CTNND2: variants seen among roughly 807,000 people sequenced by gnomAD.
The protein encoded by CTNND2 is catenin delta-2.
In CTNND2, 22 loss-of-function variants were observed where a neutral mutation model predicts 144.4. The observed-to-expected ratio is 0.15, with a 90% confidence interval of 0.11 to 0.22. The LOEUF (loss-of-function observed/expected upper bound fraction) is 0.22, where lower values mean the gene tolerates loss of function less well. Among genes scored for constraint, CTNND2 ranks in the 10% least tolerant of loss-of-function variants. The pLI, the probability that CTNND2 is intolerant of heterozygous loss-of-function variation, is 1.00. For missense variants in CTNND2, 1,353 were observed against 1,618.8 expected, an observed-to-expected ratio of 0.84 and a Z score of 2.82; for synonymous variants, 751 against 695.6, an observed-to-expected ratio of 1.08 and a Z score of -1.25.
chr5:11,214,456 C>T (rs1482635104), intron 10 of CTNND2, among the ~76,000 whole-genome samples: 1 of 152,170 alleles, frequency 6.6e-6, no homozygotes, highest in Non-Finnish European at 1.5e-5. Context: ...AATGATTATA[C>T]TCTCAGATTT....
intron 1 of CTNND2, among the ~76,000 whole-genome samples, chr5:11,780,171 G>C (rs113787981): frequency 4.6e-5 from 7 of 152,214 alleles, no homozygotes; most frequent in Non-Finnish European, 7.4e-5. Flanking sequence ...CCGCCTCTGG[G>C]ATCTTCAAGT....
At chr5:11,455,927 T>C (rs1765697539) in intron 3 of CTNND2, among the ~76,000 whole-genome samples, 2 of 152,202 alleles carry the variant, frequency 1.3e-5, no homozygotes, top group South Asian at 4.1e-4. Flanking sequence ...GCATAAATCT[T>C]CCCCAATGGT....
rs1312198611 is a variant in CTNND2, at chr5:10,975,458, C to T, written c.3418-1745G>A. Among the ~76,000 whole-genome samples the T allele has an allele frequency of 2.0e-5, 3 of 152,168 alleles. No homozygotes were observed. The East Asian group carries it at 5.8e-4, about 29-fold the overall frequency. On this transcript the variant is annotated intron_variant, in intron 21 of 21. Coordinates refer to ENST00000304623, the MANE Select transcript of CTNND2 (RefSeq NM_001332.4). Reference sequence around the variant, plus strand: ...TCTGTCTGTCTTCCTATCCACCCACCAATCCATCCATCCATCCATCCCTCA... The same window carrying T: ...TCTGTCTGTCTTCCTATCCACCCACTAATCCATCCATCCATCCATCCCTCA...
At chr5:11,127,616 G>A (rs1019499227) in intron 12 of CTNND2, among the ~76,000 whole-genome samples, 4 of 152,168 alleles carry the variant, frequency 2.6e-5, no homozygotes, top group Non-Finnish European at 5.9e-5. Flanking sequence ...CTGCTTTGGA[G>A]CAGCAACTCC....
At chr5:11,306,455 G>C (rs774975919) in intron 9 of CTNND2, among the ~76,000 whole-genome samples, 10 of 152,174 alleles carry the variant, frequency 6.6e-5, no homozygotes, top group Non-Finnish European at 1.5e-4. Context: ...CAGGCTCCAG[G>C]AGCTATCATG....
chr5:11,129,895 AT>A (rs1281483191), intron 12 of CTNND2, among the ~76,000 whole-genome samples: 2 of 152,100 alleles, frequency 1.3e-5, no homozygotes, highest in African/African-American at 4.8e-5. Flanking sequence ...ATAAACTTTT[AT>A]TGGTTGCAAA....
At chr5:11,066,820 G>C (rs1455402420) in intron 16 of CTNND2, among the ~76,000 whole-genome samples, 4 of 152,248 alleles carry the variant, frequency 2.6e-5, no homozygotes, top group Non-Finnish European at 4.4e-5. Context: ...ATGCCAGAAT[G>C]TGGTCTCAGG....
chr5:10,992,935 G>A (rs911566948), intron 18 of CTNND2, among the ~76,000 whole-genome samples: 7 of 152,084 alleles, frequency 4.6e-5, no homozygotes, highest in Non-Finnish European at 8.8e-5. Flanking sequence ...TTACAAACCC[G>A]CTCTGGTCAG....
intron 2 of CTNND2, among the ~76,000 whole-genome samples, chr5:11,660,989 T>C (rs758742895): frequency 7.9e-5 from 12 of 152,112 alleles, no homozygotes; most frequent in Non-Finnish European, 1.5e-4. Context: ...ACTCAGTTGC[T>C]AGATCAGAGA....
At chr5:11,806,462 G>A (rs191757911) in intron 1 of CTNND2, among the ~76,000 whole-genome samples, 1 of 152,140 alleles carries the variant, frequency 6.6e-6, no homozygotes, top group African/African-American at 2.4e-5. Context: ...GATCAGAGAT[G>A]TCATAGTATC....
intron 14 of CTNND2, among the ~76,000 whole-genome samples, chr5:11,104,076 T>C (rs1420868949): frequency 2.6e-5 from 4 of 152,236 alleles, no homozygotes. Flanking sequence ...TGCTGAGTCG[T>C]ATCTTCAGAA....
At chr5:11,294,181 A>T (rs1447465523) in intron 9 of CTNND2, among the ~76,000 whole-genome samples, 1 of 151,676 alleles carries the variant, frequency 6.6e-6, no homozygotes, top group African/African-American at 2.4e-5. Flanking sequence ...CAATCTCAAA[A>T]AAAAAAAAAA....
chr5:10,988,098 G>A lies in CTNND2; in HGVS notation c.3343+13C>T, dbSNP rs766417039. ...CACCAAGTTCCAGGAGGGGGCGCGC[G>A]AGGGGCGCTCACCTGTCATGGCATC... On this transcript the variant is annotated intron_variant, in intron 20 of 21. Transcript: ENST00000304623. This position sits in a 1 kb window ranked among gnomAD's most constrained non-coding sequence, Gnocchi z 5.9. The A allele has an allele frequency of 1.2e-5, 20 of 1,613,938 alleles. No homozygotes were observed. In the South Asian group the frequency reaches 1.8e-4, roughly 14 times the overall value.
At chr5:11,322,046 C>T (rs1294039620) in intron 9 of CTNND2, among the ~76,000 whole-genome samples, 3 of 152,084 alleles carry the variant, frequency 2.0e-5, no homozygotes, top group Admixed American at 1.3e-4. Flanking sequence ...CTGTTCTATC[C>T]CTCCCTCCAC....
Position 11,503,264 on chromosome 5 carries a change from G to T in CTNND2, c.287+61680C>A, listed in dbSNP as rs187403253. 6.6e-5 allele frequency among the ~76,000 whole-genome samples: 10 copies of T among 152,292 alleles called. No homozygotes were observed. The East Asian group carries it at 1.9e-3, about 29-fold the overall frequency. ...ACTATTAAGTGTCTGAACAAAGTAA[G>T]GGTATATTGTTACGCTTAGTGAGGG... On this transcript the variant is annotated intron_variant, in intron 3 of 21. Coordinates refer to ENST00000304623, the MANE Select transcript of CTNND2 (RefSeq NM_001332.4).
At chr5:11,472,195 T>G (rs1183946051) in intron 3 of CTNND2, among the ~76,000 whole-genome samples, 4 of 152,190 alleles carry the variant, frequency 2.6e-5, no homozygotes, top group African/African-American at 9.6e-5. Flanking sequence ...TTGGACAACT[T>G]TACACTTAAT....
intron 1 of CTNND2, among the ~76,000 whole-genome samples, chr5:11,829,040 G>C (rs2126957639): frequency 6.6e-6 from 1 of 152,256 alleles, no homozygotes; most frequent in South Asian, 2.1e-4. Context: ...CCCTGCCCTA[G>C]AGATTTGTGG....
At chr5:11,366,120 C>T (rs1041726045) in intron 7 of CTNND2, among the ~76,000 whole-genome samples, 1 of 152,104 alleles carries the variant, frequency 6.6e-6, no homozygotes, top group African/African-American at 2.4e-5. Flanking sequence ...TTTTGCCTTC[C>T]TCAAGGACCA....
At chr5:11,251,168 T>C (rs1561095647) in intron 9 of CTNND2, among the ~76,000 whole-genome samples, 1 of 152,230 alleles carries the variant, frequency 6.6e-6, no homozygotes. Flanking sequence ...TTCGGCTGCT[T>C]GACTTTATAG....
Sources: gnomAD v4.1 joint callset for allele counts (sites outside exome capture counted in the v4.1 genomes callset) on GRCh38, gnomAD v4.1.1 for gene constraint, Gnocchi (gnomAD v3.1) non-coding constraint, MANE v1.5 for transcripts, NCBI Gene and HGNC (gene_info 2026-07-23, HGNC 2026-07-21) for gene names.